The following ATRNL1 variants were observed in gnomAD, a reference collection of about 807,000 sequenced individuals.
The protein encoded by ATRNL1 is attractin like 1.
Under a neutral mutation model 182.7 loss-of-function variants are expected in ATRNL1, and 95 were observed. The observed-to-expected ratio is 0.52, with a 90% CI of 0.44 to 0.62. ATRNL1 has a LOEUF of 0.62. ATRNL1 is among the 20% of genes least tolerant of loss of function. The pLI is 0.00. For missense variants in ATRNL1, 1,471 were observed against 1,679.5 expected, an observed-to-expected ratio of 0.88 and a Z score of 2.17; for synonymous variants, 576 against 568.3, an observed-to-expected ratio of 1.01 and a Z score of -0.19.
At chr10:115,269,417 C>T (rs1030235671) in intron 13 of ATRNL1, among the ~76,000 whole-genome samples, 1 of 152,112 alleles carries the variant, frequency 6.6e-6, no homozygotes, top group Non-Finnish European at 1.5e-5. Flanking sequence ...TCACTGCAAC[C>T]TCCACCTCCT....
At chr10:115,797,499 T>G (rs568784107) in intron 27 of ATRNL1, among the ~76,000 whole-genome samples, 6 of 152,190 alleles carry the variant, frequency 3.9e-5, no homozygotes, top group African/African-American at 1.4e-4. Context: ...CTGCAAGGCT[T>G]CTTCTGCCAA....
intron 28 of ATRNL1, among the ~76,000 whole-genome samples, chr10:115,894,487 C>T (rs555849621): frequency 3.3e-5 from 5 of 152,190 alleles, no homozygotes; most frequent in African/African-American, 9.6e-5. Flanking sequence ...AAGATATTTA[C>T]CAGACCTCTG....
intron 15 of ATRNL1, among the ~76,000 whole-genome samples, chr10:115,297,583 T>TGC (rs1853263343): frequency 6.6e-6 from 1 of 150,836 alleles, no homozygotes; most frequent in South Asian, 2.1e-4. Context: ...AGGTGGAACT[T>TGC]GCAGTGAGCC....
intron 21 of ATRNL1, among the ~76,000 whole-genome samples, chr10:115,430,396 A>G (rs1554963718): frequency 6.6e-6 from 1 of 151,586 alleles, no homozygotes; most frequent in African/African-American, 2.4e-5. Context: ...TTTTGCCTAT[A>G]TTTGCTATAG....
chr10:115,128,168 A>T (rs1251548795), intron 4 of ATRNL1, among the ~76,000 whole-genome samples: 3 of 152,188 alleles, frequency 2.0e-5, no homozygotes, highest in Admixed American at 6.5e-5. Flanking sequence ...AATTACCTTC[A>T]ATTCTGTCAA....
intron 10 of ATRNL1, among the ~76,000 whole-genome samples, chr10:115,242,124 T>C (rs1188114567): frequency 6.6e-6 from 1 of 151,948 alleles, no homozygotes; most frequent in Non-Finnish European, 1.5e-5. Context: ...TTTTAAGGGA[T>C]AAGCAAAAAT....
At chr10:115,806,908 ATC>A (rs1166119148) in intron 27 of ATRNL1, among the ~76,000 whole-genome samples, 9 of 152,182 alleles carry the variant, frequency 5.9e-5, no homozygotes, top group African/African-American at 2.2e-4. Context: ...AGCAATTAGC[ATC>A]TGTTTTTTCA....
chr10:115,200,448 A>G (rs1341969414), intron 8 of ATRNL1, among the ~76,000 whole-genome samples: 10 of 144,160 alleles, frequency 6.9e-5, no homozygotes, highest in Non-Finnish European at 4.5e-5. Context: ...TCATTGTTCA[A>G]TTCCCATCTA....
intron 8 of ATRNL1, among the ~76,000 whole-genome samples, chr10:115,175,653 T>A (rs1389319959): frequency 2.0e-5 from 3 of 152,078 alleles, no homozygotes; most frequent in African/African-American, 7.2e-5. Context: ...AGTTTCACAT[T>A]CTGTGAATTA....
chr10:115,271,740 C>T (rs1554913166), intron 13 of ATRNL1, among the ~76,000 whole-genome samples: 1 of 152,132 alleles, frequency 6.6e-6, no homozygotes, highest in Non-Finnish European at 1.5e-5. Context: ...GTGACTCAAA[C>T]CTTTATTCTT....
chr10:115,409,573 C>T (rs1270535702), intron 20 of ATRNL1, among the ~76,000 whole-genome samples: 1 of 152,050 alleles, frequency 6.6e-6, no homozygotes, highest in Non-Finnish European at 1.5e-5. Flanking sequence ...TTTTCTTGCC[C>T]AATTGCTCTG....
intron 10 of ATRNL1, among the ~76,000 whole-genome samples, 183 bp downstream of exon 10, chr10:115,241,908 G>T (rs1487670215): frequency 6.6e-6 from 1 of 152,080 alleles, no homozygotes; most frequent in African/African-American, 2.4e-5. Context: ...GAGAACAGAA[G>T]TACTGAGCAG....
At chr10:115,178,993 G>A (rs1179157140) in intron 8 of ATRNL1, among the ~76,000 whole-genome samples, 1 of 151,746 alleles carries the variant, frequency 6.6e-6, no homozygotes, top group Non-Finnish European at 1.5e-5. Context: ...TATCTCCTGT[G>A]TGTATACTTT....
chr10:115,544,016 A>G (rs1290963019), intron 25 of ATRNL1, among the ~76,000 whole-genome samples: 6 of 152,024 alleles, frequency 3.9e-5, no homozygotes, highest in Non-Finnish European at 8.8e-5. Context: ...TTTGAAAAAG[A>G]AAGCCCAATT....
chr10:115,847,925 G>T lies in ATRNL1; in HGVS notation c.3952G>T (p.Ala1318Ser). 1 of 1,612,870 alleles carries T rather than the reference G, an allele frequency of 6.2e-7. No homozygotes were observed. The highest frequency in any genetic ancestry group is 8.5e-7 in the Non-Finnish European group (1 of 1,179,120). Reference protein sequence around the residue: ...AIEPCAGNRAAVLTVFLCLPR... With the variant: ...AIEPCAGNRASVLTVFLCLPR... Reference sequence around the variant, plus strand: ...TGAACCATGTGCTGGGAACAGAGCTGCTGTTCTGACTGTGTTTCTTTGTCT... The same window carrying T: ...TGAACCATGTGCTGGGAACAGAGCTTCTGTTCTGACTGTGTTTCTTTGTCT... Residue 1318 changes from alanine (A) to serine (S), a missense_variant, in exon 28 of 29, where the codon GCT becomes TCT. By Grantham distance (99) the Ala-to-Ser change is moderately conservative (BLOSUM62 1). Around this residue, in one of 3 missense-constraint regions of ATRNL1, gnomAD observed 437 missense variants for 506.0 expected, o/e 0.86. Transcript: ENST00000355044.
intron 26 of ATRNL1, among the ~76,000 whole-genome samples, chr10:115,674,562 A>G (rs782257486): frequency 1.3e-5 from 2 of 152,098 alleles, no homozygotes; most frequent in African/African-American, 4.8e-5. Context: ...AGAAAGATGA[A>G]TAAGATGTAG....
intron 26 of ATRNL1, among the ~76,000 whole-genome samples, chr10:115,686,770 C>T (rs1946231458): frequency 6.6e-6 from 1 of 152,010 alleles, no homozygotes; most frequent in Non-Finnish European, 1.5e-5. Flanking sequence ...CATCATTTTG[C>T]ATTACATCTA....
At chr10:115,258,815 T>G (rs538941606) in intron 10 of ATRNL1, among the ~76,000 whole-genome samples, 2 of 152,328 alleles carry the variant, frequency 1.3e-5, no homozygotes, top group East Asian at 1.9e-4. Context: ...AGATGACCTT[T>G]TGTTGATGTT....
Position 115,699,795 on chromosome 10 carries a change from A to G in ATRNL1, c.3796-27453A>G, listed in dbSNP as rs963333439. On this transcript the variant is annotated intron_variant, in intron 26 of 28. Coordinates refer to ENST00000355044, the MANE Select transcript of ATRNL1 (RefSeq NM_207303.4). ...ATACCATTGACCCCGTCATCGAAGTAGTGAGCATAGTACCCCATAGTTACT... is the reference window on the plus strand; with the variant it reads ...ATACCATTGACCCCGTCATCGAAGTGGTGAGCATAGTACCCCATAGTTACT... 4.3e-4 allele frequency among the ~76,000 whole-genome samples: 65 copies of G among 152,204 alleles called. 1 individual carries two copies. The highest frequency in any genetic ancestry group is 1.6e-3 in the African/African-American group (65 of 41,458).
Sources: allele counts gnomAD v4.1 joint callset (sites outside exome capture counted in the v4.1 genomes callset), GRCh38; gene constraint gnomAD v4.1.1; regional missense constraint gnomAD v4.1.1; transcripts MANE v1.5; gene names NCBI Gene and HGNC (gene_info 2026-07-23, HGNC 2026-07-21).